The following RPL14 variants were observed in gnomAD, a reference collection of about 807,000 sequenced individuals.
RPL14 encodes the protein large ribosomal subunit protein eL14.
In RPL14, 4 loss-of-function variants were observed where a neutral mutation model predicts 25.3. The ratio of observed to expected loss-of-function variants is 0.16; its 90% CI spans 0.08 to 0.36. RPL14 has a LOEUF of 0.36. Ranked by LOEUF, RPL14 falls within the 10% of genes least tolerant of loss-of-function variation. RPL14 has a pLI of 1.00. For synonymous variants in RPL14, 75 were observed against 89.8 expected, an observed-to-expected ratio of 0.84 and a Z score of 0.93; for missense variants, 212 against 261.9, an observed-to-expected ratio of 0.81 and a Z score of 1.31.
At chr3:40,457,725 G>A in intron 1 of RPL14, 165 bp from the exon 2 acceptor site, 1 of 703,386 alleles carries the variant, frequency 1.4e-6, no homozygotes, top group Non-Finnish European at 2.4e-6. Context: ...CTACTGAGGC[G>A]TTTGCTGATT....
rs1002335789 is a variant in RPL14, at chr3:40,467,986, A to C, written c.*5754A>C. On this transcript the variant is annotated 3_prime_UTR_variant, in exon 6 of 6. Coordinates refer to ENST00000396203, the MANE Select transcript of RPL14 (RefSeq NM_001034996.3). ...CAGGAGTGTGCCACCACACCTGGCT[A>C]ATGTTTGTATTGTTAGTAGATACAG... is the stretch of plus-strand genomic sequence containing the variant. 2.0e-5 allele frequency: 3 copies of C among 151,932 alleles called. No homozygotes were observed. The highest frequency in any genetic ancestry group is 7.3e-5 in the African/African-American group (3 of 41,356). The allele number at this position is 151,932 out of a possible 1,614,324, so 9.4% of individuals were successfully genotyped here.
chr3:40,459,858 CAAAAAAA>C (rs10682822), intron 3 of RPL14, among the ~76,000 whole-genome samples: 41 of 90,956 alleles, frequency 4.5e-4, no homozygotes, highest in Admixed American at 1.4e-3. Flanking sequence ...GACTCCGTTT[CAAAAAAA>C]AAAAAAAAAA....
intron 3 of RPL14, among the ~76,000 whole-genome samples, chr3:40,461,048 T>TAGC (rs1696929058): frequency 6.6e-6 from 1 of 152,030 alleles, no homozygotes; most frequent in South Asian, 2.1e-4. Flanking sequence ...ATATAAAAAT[T>TAGC]AGCTGGGTGT....
Position 40,457,357 on chromosome 3 carries a change from C to A in RPL14, c.-115C>A, listed in dbSNP as rs1227755248. ...CTTCTTCCTTCTCGCCTAACGCCGC[C>A]AACATGGTGAGTCTTACTGTTGCGG... On this transcript the variant is annotated 5_prime_UTR_variant, in exon 1 of 6. Transcript: ENST00000396203. The A allele has an allele frequency of 1.2e-6, 2 of 1,606,758 alleles. No individual in the cohort carries two copies. The highest frequency in any genetic ancestry group is 1.7e-4 in the Middle Eastern group (1 of 6,020).
Position 40,457,418 on chromosome 3 carries a change from C to G in RPL14, c.-54C>G. ...CGTCGACCATGCCGCTCGACCTCCACCTCCGCTGGGAAGCTGAGGCGCCAA... is the reference window on the plus strand; with the variant it reads ...CGTCGACCATGCCGCTCGACCTCCAGCTCCGCTGGGAAGCTGAGGCGCCAA... On this transcript the variant is annotated 5_prime_UTR_variant, in exon 1 of 6. Coordinates refer to ENST00000396203, the MANE Select transcript of RPL14 (RefSeq NM_001034996.3). The G allele has an allele frequency of 1.3e-6, 2 of 1,591,740 alleles. No individual in the cohort carries two copies. The highest frequency in any genetic ancestry group is 2.2e-5 in the South Asian group (2 of 88,954).
At position 40,457,469 on chromosome 3, in the gene RPL14, C is replaced by T; in HGVS notation, c.-3C>T. ...ACGGCTCCCAGAGGGTCCCGGGAAGCGCATGGTGAGGGTCCCCGGGCCGGC... is the reference window on the plus strand; with the variant it reads ...ACGGCTCCCAGAGGGTCCCGGGAAGTGCATGGTGAGGGTCCCCGGGCCGGC... On this transcript the variant is annotated 5_prime_UTR_variant, in exon 1 of 6. Transcript: ENST00000396203. The T allele has an allele frequency of 6.4e-7, 1 of 1,566,104 alleles. No individual in the cohort carries two copies. The highest frequency in any genetic ancestry group is 8.7e-7 in the Non-Finnish European group (1 of 1,155,688).
At position 40,463,415 on chromosome 3, in the gene RPL14, A is replaced by C. The variant is rs1350626641; in HGVS notation, c.*1183A>C. 2 of 152,220 alleles carry C rather than the reference A, an allele frequency of 1.3e-5. No individual in the cohort carries two copies. Among genetic ancestry groups the C allele is most frequent in the Non-Finnish European group, 2.9e-5 (2 of 68,092 alleles). 9.4% of individuals were successfully genotyped at this position (152,220 alleles called of 1,614,324 possible). A position where few individuals can be genotyped will look rare whatever the true frequency, so the allele number is the denominator to read the frequency against. ...GAGATGGGGTTTCACCATGTTGGCCATGCTGGTCTCGAGCTCCTGACCTCA... is the reference window on the plus strand; with the variant it reads ...GAGATGGGGTTTCACCATGTTGGCCCTGCTGGTCTCGAGCTCCTGACCTCA... On this transcript the variant is annotated 3_prime_UTR_variant, in exon 6 of 6. Transcript: ENST00000396203.
At chr3:40,461,814 T>C in intron 5 of RPL14, 125 bp from the exon 6 acceptor site, 1 of 1,285,628 alleles carries the variant, frequency 7.8e-7, no homozygotes, top group Non-Finnish European at 1.1e-6. Context: ...CCTATGGAAT[T>C]GTTACCTTTC....
In RPL14 at chr3:40,464,070, A is replaced by G. The variant is rs1270656066; in HGVS notation, c.*1838A>G. ...CTGCGACCTCCACCTCCCAGGTTCA[A>G]GTTGTTCTGCCTCAGCCTCCCAAGT... is the stretch of plus-strand genomic sequence containing the variant. On this transcript the variant is annotated 3_prime_UTR_variant, in exon 6 of 6. Transcript: ENST00000396203. 1 of 168,206 alleles carries G rather than the reference A, an allele frequency of 5.9e-6. No individual in the cohort carries two copies. Among genetic ancestry groups the G allele is most frequent in the Non-Finnish European group, 1.3e-5 (1 of 77,370 alleles). The allele number at this position is 168,206 out of a possible 1,614,324, so 10.4% of individuals were successfully genotyped here.
Position 40,462,151 on chromosome 3 carries a change from G to A in RPL14, c.567G>A (p.Ala189=), listed in dbSNP as rs202038014. Reference sequence around the variant, plus strand: ...AGAAAGCCACAGGCCAGAAAGCAGCGCCTGCTCCAAAAGCTCAGAAGGGTC... The same window carrying A: ...AGAAAGCCACAGGCCAGAAAGCAGCACCTGCTCCAAAAGCTCAGAAGGGTC... ...PAQKATGQKA[A]PAPKAQKGQK... is the part of the protein sequence containing the mutation. The change falls in exon 6 of 6, where the codon GCG becomes GCA. Residue 189 remains alanine, a synonymous_variant. Coordinates refer to ENST00000396203, the MANE Select transcript of RPL14 (RefSeq NM_001034996.3). The A allele has an allele frequency of 1.7e-5, 28 of 1,612,680 alleles. No individual in the cohort carries two copies. In the East Asian group the frequency reaches 2.2e-4, roughly 13 times the overall value.
rs1274206167 is a variant in RPL14, at chr3:40,462,533, C to T, written c.*301C>T. On this transcript the variant is annotated 3_prime_UTR_variant, in exon 6 of 6. Coordinates refer to ENST00000396203, the MANE Select transcript of RPL14 (RefSeq NM_001034996.3). ...CTGGGACTACAGGTGCCCGCCACCG[C>T]GCCTGGCTAATTTTTTGTATTTTTA... The T allele has an allele frequency of 1.4e-5, 3 of 220,174 alleles. No individual in the cohort carries two copies. Among genetic ancestry groups the T allele is most frequent in the East Asian group, 1.1e-4 (1 of 9,128 alleles). The allele number at this position is 220,174 out of a possible 1,614,324, so 13.6% of individuals were successfully genotyped here. A position where few individuals can be genotyped will look rare whatever the true frequency, so the allele number is the denominator to read the frequency against.
chr3:40,462,379 T>C lies in RPL14; in HGVS notation c.*147T>C. 1 of 730,790 alleles carries C rather than the reference T, an allele frequency of 1.4e-6. No homozygotes were observed. The highest frequency in any genetic ancestry group is 2.6e-5 in the South Asian group (1 of 37,914). 45.3% of individuals were successfully genotyped at this position (730,790 alleles called of 1,614,324 possible). ...AACATTAAATAATCAGTTCCTTTTTTTTTTTTTTTTTTTTTGAGATGGAGT... is the reference window on the plus strand; with the variant it reads ...AACATTAAATAATCAGTTCCTTTTTCTTTTTTTTTTTTTTTGAGATGGAGT... On this transcript the variant is annotated 3_prime_UTR_variant, in exon 6 of 6. Transcript: ENST00000396203.
intron 3 of RPL14, chr3:40,459,044 G>A: frequency 6.5e-6 from 2 of 309,982 alleles, no homozygotes; most frequent in South Asian, 6.0e-5. Flanking sequence ...GTTGGGCATG[G>A]TGGCACGCGC....
Position 40,462,446 on chromosome 3 carries a change from G to T in RPL14, c.*214G>T, listed in dbSNP as rs1400938774. The T allele has an allele frequency of 8.8e-6, 4 of 453,978 alleles. No individual in the cohort carries two copies. Among genetic ancestry groups the T allele is most frequent in the Non-Finnish European group, 3.6e-6 (1 of 277,482 alleles). 28.1% of individuals were successfully genotyped at this position (453,978 alleles called of 1,614,324 possible). A position where few individuals can be genotyped will look rare whatever the true frequency, so the allele number is the denominator to read the frequency against. ...GGCCGGACTGCAGTGGCGCTATCTC[G>T]GCTCACTGTAAGTTCCACCTCCCGG... On this transcript the variant is annotated 3_prime_UTR_variant, in exon 6 of 6. Coordinates refer to ENST00000396203, the MANE Select transcript of RPL14 (RefSeq NM_001034996.3).
In RPL14 at chr3:40,461,393, T is replaced by G. The variant is rs1309039198; in HGVS notation, c.201-14T>G. 6.2e-7 allele frequency: 1 copy of G among 1,612,066 alleles called. No homozygotes were observed. Among genetic ancestry groups the G allele is most frequent in the Admixed American group, 1.7e-5 (1 of 59,954 alleles). ...AAAGCTGATTTCTTAATCTGTGGTC[T>G]TGGCTCGTTCTAGTGCCCACCAGAA... On this transcript the variant is annotated splice_polypyrimidine_tract_variant and intron_variant, in intron 3 of 5. Coordinates refer to ENST00000396203, the MANE Select transcript of RPL14 (RefSeq NM_001034996.3).
intron 3 of RPL14, among the ~76,000 whole-genome samples, chr3:40,459,527 T>C (rs914850596): frequency 6.6e-6 from 1 of 152,180 alleles, no homozygotes; most frequent in Non-Finnish European, 1.5e-5. Context: ...CAGTGGAACA[T>C]GTAATTTTGC....
intron 2 of RPL14, chr3:40,458,293 G>T (rs533418795): frequency 1.9e-6 from 1 of 522,882 alleles, no homozygotes; most frequent in Admixed American, 3.4e-5. Context: ...AAGCACTTTT[G>T]TATTTACTGC....
intron 1 of RPL14, 115 bp downstream of exon 1, chr3:40,457,589 G>C: frequency 2.3e-6 from 2 of 854,304 alleles, no homozygotes; most frequent in Non-Finnish European, 3.6e-6. Context: ...GCGCGCCTTG[G>C]GCCACGCGTG....
chr3:40,468,461 G>A lies in RPL14; in HGVS notation c.*6229G>A, dbSNP rs1032359211. ...TGGTCCAATAGTGCACTAAATGCCCGAGTTCTGTATTTATTCTATTTGGAT... is the reference window on the plus strand; with the variant it reads ...TGGTCCAATAGTGCACTAAATGCCCAAGTTCTGTATTTATTCTATTTGGAT... On this transcript the variant is annotated 3_prime_UTR_variant, in exon 6 of 6. Coordinates refer to ENST00000396203, the MANE Select transcript of RPL14 (RefSeq NM_001034996.3). 3.3e-5 allele frequency: 5 copies of A among 152,112 alleles called. No individual in the cohort carries two copies. Among genetic ancestry groups the A allele is most frequent in the Non-Finnish European group, 5.9e-5 (4 of 68,024 alleles). 9.4% of individuals were successfully genotyped at this position (152,112 alleles called of 1,614,324 possible). A position where few individuals can be genotyped will look rare whatever the true frequency, so the allele number is the denominator to read the frequency against.
Sources: gnomAD v4.1 joint callset for allele counts (sites outside exome capture counted in the v4.1 genomes callset) on GRCh38, gnomAD v4.1.1 for gene constraint, MANE v1.5 for transcripts, NCBI Gene and HGNC (gene_info 2026-07-23, HGNC 2026-07-21) for gene names.